The following RBFOX1 variants were observed in gnomAD, a reference collection of about 807,000 sequenced individuals.
The protein encoded by RBFOX1 is RNA binding protein fox-1 homolog 1.
Under a neutral mutation model 57.7 loss-of-function variants are expected in RBFOX1, and 8 were observed. The observed-to-expected ratio is 0.14, with a 90% CI of 0.08 to 0.25. The LOEUF is 0.25. Among genes scored for constraint, RBFOX1 ranks in the 10% least tolerant of loss-of-function variants. RBFOX1 has a pLI of 1.00. For missense variants in RBFOX1, 611 were observed against 548.5 expected (o/e 1.11, Z -1.14); for synonymous variants, 326 against 222.4 (o/e 1.47, Z -4.15).
At chr16:6,774,448 T>A (rs12149453) in intron 3 of RBFOX1, among the ~76,000 whole-genome samples, 50,707 of 151,954 alleles carry the variant, frequency 0.33, 9,331 homozygotes, top group Non-Finnish European at 0.42. Context: ...CAGAAGCAAA[T>A]TAAATATCAA....
chr16:6,742,088 T>C (rs2072344321), intron 3 of RBFOX1, among the ~76,000 whole-genome samples: 1 of 152,208 alleles, frequency 6.6e-6, no homozygotes, highest in Admixed American at 6.5e-5. Context: ...AACATCATGT[T>C]GTACGTGATA....
At chr16:6,196,149 C>T (rs920382425) in intron 1 of RBFOX1, among the ~76,000 whole-genome samples, 1 of 152,166 alleles carries the variant, frequency 6.6e-6, no homozygotes, top group African/African-American at 2.4e-5. Flanking sequence ...ACAAGTTAGG[C>T]TTCATTGTCT....
intron 3 of RBFOX1, among the ~76,000 whole-genome samples, chr16:6,822,583 C>A (rs1050221490): frequency 6.6e-6 from 1 of 152,238 alleles, no homozygotes. Flanking sequence ...GCCGTGCTTG[C>A]ATTTTATTTC....
chr16:5,949,109 G>A (rs1255808649), intron 4 of RBFOX1, among the ~76,000 whole-genome samples: 1 of 152,082 alleles, frequency 6.6e-6, no homozygotes, highest in Non-Finnish European at 1.5e-5. Flanking sequence ...AACTACTAGA[G>A]TCTGTATCTA....
intron 2 of RBFOX1, among the ~76,000 whole-genome samples, chr16:6,436,674 A>G (rs1479684276): frequency 6.6e-6 from 1 of 152,040 alleles, no homozygotes; most frequent in Non-Finnish European, 1.5e-5. Context: ...TTTTCTGTCA[A>G]TACCCCAATG....
At chr16:7,034,848 C>CTTTTCTTTTTTTTTTTT (rs1412479062) in intron 3 of RBFOX1, among the ~76,000 whole-genome samples, 808 of 30,798 alleles carry the variant, frequency 0.026, 71 homozygotes, top group Middle Eastern at 0.04. Flanking sequence ...TTTCTTTTTT[C>CTTTTCTTTTTTTTTTTT]TTTTTTTTTT....
chr16:7,353,839 G>T (rs1368609285), intron 4 of RBFOX1, among the ~76,000 whole-genome samples: 1 of 152,168 alleles, frequency 6.6e-6, no homozygotes, highest in Non-Finnish European at 1.5e-5. Flanking sequence ...TATGGATATG[G>T]ATTTTCTTTT....
intron 4 of RBFOX1, among the ~76,000 whole-genome samples, chr16:5,895,232 C>T (rs1305793388): frequency 6.6e-6 from 1 of 152,190 alleles, no homozygotes; most frequent in East Asian, 1.9e-4. Flanking sequence ...TTAGTTGAGG[C>T]AGTTTCATGG....
At chr16:7,620,243 G>T (rs1351030209) in intron 10 of RBFOX1, among the ~76,000 whole-genome samples, 1 of 152,102 alleles carries the variant, frequency 6.6e-6, no homozygotes, top group Non-Finnish European at 1.5e-5. Flanking sequence ...TGCCATAGTT[G>T]TAATCCTCAC....
chr16:5,956,666 A>ATG (rs1449922202), intron 4 of RBFOX1, among the ~76,000 whole-genome samples: 5 of 45,402 alleles, frequency 1.1e-4, no homozygotes, highest in Non-Finnish European at 2.1e-4. Context: ...ATTTATATAT[A>ATG]TATATATATA....
At chr16:7,339,941 AGTG>A (rs2096862011) in intron 4 of RBFOX1, among the ~76,000 whole-genome samples, 1 of 152,166 alleles carries the variant, frequency 6.6e-6, no homozygotes, top group Non-Finnish European at 1.5e-5. Context: ...ACCATGTCCA[AGTG>A]GTGGAAAAGA....
At chr16:7,036,577 C>G (rs926431506) in intron 3 of RBFOX1, among the ~76,000 whole-genome samples, 2 of 151,972 alleles carry the variant, frequency 1.3e-5, no homozygotes, top group Admixed American at 6.6e-5. Context: ...CCCATAATCC[C>G]AACTATTCGG....
At chr16:7,496,306 C>G (rs752262434) in intron 4 of RBFOX1, among the ~76,000 whole-genome samples, 1 of 152,130 alleles carries the variant, frequency 6.6e-6, no homozygotes, top group Non-Finnish European at 1.5e-5. Flanking sequence ...CCACATCTGT[C>G]TAATTTTTGT....
intron 1 of RBFOX1, among the ~76,000 whole-genome samples, chr16:6,264,815 G>C (rs903830461): frequency 2.6e-5 from 4 of 152,048 alleles, no homozygotes; most frequent in African/African-American, 9.7e-5. Flanking sequence ...TAGTTTTTTT[G>C]TTTTATTTCT....
intron 2 of RBFOX1, among the ~76,000 whole-genome samples, chr16:6,610,836 C>G (rs1486898447): frequency 6.6e-6 from 1 of 152,124 alleles, no homozygotes; most frequent in African/African-American, 2.4e-5. Context: ...GGCATACATA[C>G]CACTTATGAA....
intron 1 of RBFOX1, among the ~76,000 whole-genome samples, chr16:6,027,209 C>T (rs1195789727): frequency 6.6e-6 from 1 of 152,168 alleles, no homozygotes; most frequent in East Asian, 1.9e-4. Flanking sequence ...TCCTTCTGTG[C>T]TAGGGCTTCC....
chr16:7,240,318 C>T (rs1410462774), intron 4 of RBFOX1, among the ~76,000 whole-genome samples: 1 of 152,080 alleles, frequency 6.6e-6, no homozygotes, highest in African/African-American at 2.4e-5. Context: ...GAGCAGTGTT[C>T]ATCAGGTAGT....
intron 14 of RBFOX1, among the ~76,000 whole-genome samples, chr16:7,683,211 A>G (rs1268016028): frequency 6.7e-6 from 1 of 148,670 alleles, no homozygotes. Flanking sequence ...AGTCACCGTA[A>G]TTTTTTAAAA....
chr16:7,185,711 C>T lies in RBFOX1; in HGVS notation c.27+133613C>T, dbSNP rs188693096. ...CTTCAAAGGCACTCTTTTTTGCTACCACTGAAAGTGGTAAATGAGGCACAT... is the reference window on the plus strand; with the variant it reads ...CTTCAAAGGCACTCTTTTTTGCTACTACTGAAAGTGGTAAATGAGGCACAT... On this transcript the variant is annotated intron_variant, in intron 4 of 15. Coordinates refer to ENST00000550418, the MANE Select transcript of RBFOX1 (RefSeq NM_018723.4). 9.9e-4 allele frequency among the ~76,000 whole-genome samples: 151 copies of T among 152,194 alleles called. 2 individuals are homozygous for T. The highest frequency in any genetic ancestry group is 8.8e-4 in the Non-Finnish European group (60 of 67,996).
Sources: allele counts gnomAD v4.1 joint callset (sites outside exome capture counted in the v4.1 genomes callset), GRCh38; gene constraint gnomAD v4.1.1; transcripts MANE v1.5; gene names NCBI Gene and HGNC (gene_info 2026-07-23, HGNC 2026-07-21).